The following DNAI4 variants were observed in gnomAD, a reference collection of about 807,000 sequenced individuals.
The protein encoded by DNAI4 is WD repeat domain 78.
Under a neutral mutation model 105.8 loss-of-function variants are expected in DNAI4, and 85 were observed. That is an observed-to-expected ratio of 0.80 (90% CI 0.67 to 0.96). DNAI4 has a LOEUF of 0.96. Among genes scored for constraint, DNAI4 ranks in the 40% least tolerant of loss-of-function variants. The pLI, the probability that DNAI4 is intolerant of heterozygous loss-of-function variation, is 0.00. For missense variants in DNAI4, 1,014 were observed against 1,005.6 expected (o/e 1.01, Z -0.11); for synonymous variants, 352 against 331.5 (o/e 1.06, Z -0.67).
chr1:66,875,532 T>C (rs1037609761), intron 4 of DNAI4, among the ~76,000 whole-genome samples: 2 of 152,160 alleles, frequency 1.3e-5, no homozygotes, highest in African/African-American at 4.8e-5. Context: ...TTTAGGACAG[T>C]CAGAACTTGA....
chr1:66,871,639 CA>C, intron 5 of DNAI4, 130 bp from the exon 6 acceptor site: 10 of 883,824 alleles, frequency 1.1e-5, no homozygotes, highest in Non-Finnish European at 1.3e-5. Flanking sequence ...AGTGAGACTT[CA>C]AAAAAAGCCT....
intron 7 of DNAI4, among the ~76,000 whole-genome samples, chr1:66,854,855 T>C (rs923026598): frequency 2.6e-5 from 4 of 152,184 alleles, no homozygotes; most frequent in African/African-American, 9.6e-5. Flanking sequence ...AAGATCTAAA[T>C]AAATGAGATC....
At chr1:66,853,525 C>T (rs1375897830) in intron 7 of DNAI4, among the ~76,000 whole-genome samples, 1 of 152,222 alleles carries the variant, frequency 6.6e-6, no homozygotes, top group African/African-American at 2.4e-5. Context: ...TCAGACCTAA[C>T]AGTGAATGCC....
At chr1:66,881,969 T>A (rs560960816) in intron 4 of DNAI4, among the ~76,000 whole-genome samples, 15 of 152,290 alleles carry the variant, frequency 9.8e-5, no homozygotes, top group Non-Finnish European at 1.9e-4. Context: ...CTGATGGTTT[T>A]AAAAATGGGA....
intron 10 of DNAI4, among the ~76,000 whole-genome samples, chr1:66,836,198 AAGAAAGAAAGAGAGAG>A (rs1342668539): frequency 2.1e-4 from 13 of 63,044 alleles, no homozygotes; most frequent in African/African-American, 6.5e-4. Flanking sequence ...GAAAGAAAGA[AAGAAAGAAAGAGAGAG>A]AGAGAGAGAG....
chr1:66,873,392 T>C (rs1465836409), intron 5 of DNAI4, among the ~76,000 whole-genome samples: 2 of 151,972 alleles, frequency 1.3e-5, no homozygotes, highest in Non-Finnish European at 2.9e-5. Context: ...ACTACAGGTA[T>C]GTACCACCAA....
intron 1 of DNAI4, among the ~76,000 whole-genome samples, chr1:66,911,334 C>T (rs1366171422): frequency 6.6e-6 from 1 of 152,190 alleles, no homozygotes; most frequent in East Asian, 1.9e-4. Context: ...CCTCCATGTG[C>T]CCAGCTATCC....
chr1:66,822,179 G>T (rs534907460), intron 16 of DNAI4, among the ~76,000 whole-genome samples, 182 bp downstream of exon 16: 163 of 117,216 alleles, frequency 1.4e-3, no homozygotes, highest in African/African-American at 4.5e-3. Flanking sequence ...AATAAGACGA[G>T]GCTGAAAAAA....
At chr1:66,893,075 A>AAGAAAGAAAGAAAGAAAAAG (rs1647939872) in intron 3 of DNAI4, among the ~76,000 whole-genome samples, 154 bp downstream of exon 3, 1 of 141,764 alleles carries the variant, frequency 7.1e-6, no homozygotes, top group African/African-American at 2.9e-5. Context: ...GAAAGAAAGA[A>AAGAAAGAAAGAAAGAAAAAG]AGAAAGAAAG....
chr1:66,886,977 A>C (rs968011974), intron 4 of DNAI4, among the ~76,000 whole-genome samples: 17 of 152,060 alleles, frequency 1.1e-4, no homozygotes, highest in African/African-American at 4.1e-4. Flanking sequence ...TTAGAAAAAA[A>C]GGGGAAGGAG....
chr1:66,857,535 A>AT (rs779863639), intron 7 of DNAI4, among the ~76,000 whole-genome samples: 2,245 of 143,098 alleles, frequency 0.016, 35 homozygotes, highest in African/African-American at 0.042. Flanking sequence ...CTGCCCACAA[A>AT]TTTTTTTTTT....
At chr1:66,898,636 C>T (rs1407162288) in intron 2 of DNAI4, among the ~76,000 whole-genome samples, 4 of 152,144 alleles carry the variant, frequency 2.6e-5, no homozygotes, top group South Asian at 4.1e-4. Flanking sequence ...CCCCCACTAG[C>T]GAGGAGATCC....
intron 4 of DNAI4, among the ~76,000 whole-genome samples, chr1:66,876,193 C>T (rs1646955056): frequency 6.6e-6 from 1 of 151,670 alleles, no homozygotes; most frequent in South Asian, 2.1e-4. Context: ...ATGAGTTATC[C>T]ACAAGAACAA....
intron 7 of DNAI4, among the ~76,000 whole-genome samples, chr1:66,854,382 C>A (rs1646456865): frequency 6.6e-6 from 1 of 151,930 alleles, no homozygotes; most frequent in African/African-American, 2.4e-5. Flanking sequence ...CACACCAAGA[C>A]CCTATCTCAA....
rs191496231 is a variant in DNAI4, at chr1:66,826,124, G to T, written c.2339+696C>A. 1.2e-3 allele frequency among the ~76,000 whole-genome samples: 181 copies of T among 152,140 alleles called. 1 individual carries two copies. The highest frequency in any genetic ancestry group is 4.3e-3 in the African/African-American group (177 of 41,510). On this transcript the variant is annotated intron_variant, in intron 15 of 16. Coordinates refer to ENST00000371026, the MANE Select transcript of DNAI4 (RefSeq NM_024763.5). Reference sequence around the variant, plus strand: ...AAACAAGGTAAGAGCATAAGTAAATGTTGCAAAAATAATTACTTTGTCCCT... The same window carrying T: ...AAACAAGGTAAGAGCATAAGTAAATTTTGCAAAAATAATTACTTTGTCCCT...
At chr1:66,862,783 C>T (rs951120014) in intron 6 of DNAI4, among the ~76,000 whole-genome samples, 4 of 152,202 alleles carry the variant, frequency 2.6e-5, no homozygotes, top group Admixed American at 2.0e-4. Context: ...CACCTCCCTT[C>T]CCACTACCCC....
chr1:66,861,516 T>C lies in DNAI4; in HGVS notation c.1096+631A>G, dbSNP rs573019583. ...AAAGTTTATTTGGAAAGCTACAACT[T>C]TGTATTGATTTTAATTATAACATTT... is the stretch of plus-strand genomic sequence containing the variant. On this transcript the variant is annotated intron_variant, in intron 7 of 16. Transcript: ENST00000371026. Among the ~76,000 whole-genome samples, 3 of 152,330 alleles carry C rather than the reference T, an allele frequency of 2.0e-5. No homozygotes were observed. In the East Asian group the frequency reaches 5.8e-4, roughly 29 times the overall value.
intron 2 of DNAI4, among the ~76,000 whole-genome samples, chr1:66,894,006 G>T (rs993962770): frequency 2.0e-5 from 3 of 152,040 alleles, no homozygotes; most frequent in Admixed American, 6.6e-5. Flanking sequence ...TCATATAAAA[G>T]TATAGCAATA....
At chr1:66,820,551 C>T (rs1202643104) in intron 16 of DNAI4, among the ~76,000 whole-genome samples, 4 of 151,674 alleles carry the variant, frequency 2.6e-5, no homozygotes, top group African/African-American at 2.4e-5. Flanking sequence ...TGTTATAATG[C>T]ATACATAAAT....
Sources: allele counts gnomAD v4.1 joint callset (sites outside exome capture counted in the v4.1 genomes callset), GRCh38; gene constraint gnomAD v4.1.1; transcripts MANE v1.5; gene names NCBI Gene and HGNC (gene_info 2026-07-23, HGNC 2026-07-21).